The following DGKB variants were observed in gnomAD, a reference collection of about 807,000 sequenced individuals.
The protein encoded by DGKB is diacylglycerol kinase beta.
Under a neutral mutation model 114.3 loss-of-function variants are expected in DGKB, and 67 were observed. The ratio of observed to expected loss-of-function variants is 0.59; its 90% CI spans 0.48 to 0.72. DGKB has a LOEUF of 0.72. Among genes scored for constraint, DGKB ranks in the 30% least tolerant of loss-of-function variants. The probability of loss-of-function intolerance (pLI) is 0.00; values close to 1 mark genes in which losing one functional copy is unlikely to be tolerated. For missense variants in DGKB, 907 were observed against 975.2 expected (o/e 0.93, Z 0.93); for synonymous variants, 398 against 323.1 (o/e 1.23, Z -2.49).
intron 14 of DGKB, among the ~76,000 whole-genome samples, chr7:14,621,704 T>C (rs1320905241): frequency 6.6e-6 from 1 of 151,932 alleles, no homozygotes; most frequent in Non-Finnish European, 1.5e-5. Flanking sequence ...TTTAAAGAAA[T>C]AATGAGAAAG....
chr7:14,781,115 A>T (rs1162013970), intron 2 of DGKB, among the ~76,000 whole-genome samples: 1 of 152,186 alleles, frequency 6.6e-6, no homozygotes, highest in Non-Finnish European at 1.5e-5. Context: ...TTGTAAGTCT[A>T]TTTAACCATA....
At chr7:14,187,922 A>G (rs1783685027) in intron 23 of DGKB, among the ~76,000 whole-genome samples, 1 of 152,208 alleles carries the variant, frequency 6.6e-6, no homozygotes, top group Non-Finnish European at 1.5e-5. Context: ...GCAAGATATA[A>G]GAGAACACAG....
intron 23 of DGKB, among the ~76,000 whole-genome samples, chr7:14,313,728 C>G (rs1378991723): frequency 3.3e-5 from 5 of 152,154 alleles, no homozygotes; most frequent in African/African-American, 1.2e-4. Context: ...ATTGCCCAGG[C>G]TTGCTTAGGT....
chr7:14,697,776 G>GAAAGAAAGAAAGAAACAA (rs781493498), intron 8 of DGKB, among the ~76,000 whole-genome samples: 24 of 100,774 alleles, frequency 2.4e-4, no homozygotes, highest in African/African-American at 9.7e-4. Context: ...AAGAAACAAA[G>GAAAGAAAGAAAGAAACAA]AGAAAGAAAG....
In DGKB at chr7:14,698,080, C is replaced by T. The variant is rs1301446554; in HGVS notation, c.591+15G>A. The T allele has an allele frequency of 1.4e-6, 2 of 1,460,850 alleles. No individual in the cohort carries two copies. The highest frequency in any genetic ancestry group is 5.0e-5 in the East Asian group (2 of 40,168). 90.5% of individuals were successfully genotyped at this position (1,460,850 alleles called of 1,614,324 possible). On this transcript the variant is annotated intron_variant, in intron 8 of 25. Coordinates refer to ENST00000402815, the MANE Select transcript of DGKB (RefSeq NM_001350709.2). The stretch of plus-strand genomic sequence containing the variant: ...TCCAGAATTTAGCCAATAGTGAAAT[C>T]ATTCATATACCTACTGGATTAAGTT...
At position 14,151,237 on chromosome 7, in the gene DGKB, G is replaced by C. The variant is rs187702648; in HGVS notation, c.2305-1999C>G. Reference sequence around the variant, plus strand: ...ACTAAATGCTTTACACGGTATAATAGCATTAGGGCATTTTGGGAAATTAGA... The same window carrying C: ...ACTAAATGCTTTACACGGTATAATACCATTAGGGCATTTTGGGAAATTAGA... On this transcript the variant is annotated intron_variant, in intron 25 of 25. Transcript: ENST00000402815. Among the ~76,000 whole-genome samples the C allele has an allele frequency of 2.0e-3, 309 of 152,080 alleles. 1 individual carries two copies. The highest frequency in any genetic ancestry group is 7.2e-3 in the African/African-American group (300 of 41,530).
At chr7:14,777,729 C>T (rs1438403892) in intron 2 of DGKB, among the ~76,000 whole-genome samples, 1 of 152,120 alleles carries the variant, frequency 6.6e-6, no homozygotes, top group Non-Finnish European at 1.5e-5. Context: ...AGTAGTGTGA[C>T]AATGGACTAA....
chr7:14,170,867 G>T (rs550632616), intron 25 of DGKB, among the ~76,000 whole-genome samples: 1 of 152,138 alleles, frequency 6.6e-6, no homozygotes, highest in African/African-American at 2.4e-5. Context: ...TCCTAGTAGA[G>T]GACACAAACA....
intron 1 of DGKB, among the ~76,000 whole-genome samples, chr7:14,900,643 T>G (rs968973716): frequency 6.6e-6 from 1 of 152,160 alleles, no homozygotes; most frequent in African/African-American, 2.4e-5. Flanking sequence ...CAGCAAAACT[T>G]ACCAATGGTT....
intron 23 of DGKB, among the ~76,000 whole-genome samples, chr7:14,316,813 C>T (rs1263487276): frequency 6.6e-6 from 1 of 150,738 alleles, no homozygotes; most frequent in Non-Finnish European, 1.5e-5. Context: ...ATATCAAAGC[C>T]GGGCAGAGAC....
chr7:14,587,775 T>C (rs1421817388), intron 17 of DGKB, among the ~76,000 whole-genome samples: 2 of 152,180 alleles, frequency 1.3e-5, no homozygotes, highest in Non-Finnish European at 2.9e-5. Flanking sequence ...CACATGATTG[T>C]TACTAATTTT....
chr7:14,262,368 A>T (rs1264361176), intron 23 of DGKB, among the ~76,000 whole-genome samples: 1 of 152,054 alleles, frequency 6.6e-6, no homozygotes, highest in African/African-American at 2.4e-5. Flanking sequence ...AAAGAGATTA[A>T]TTTTTTTATA....
intron 23 of DGKB, among the ~76,000 whole-genome samples, chr7:14,288,928 C>G (rs1473133824): frequency 6.6e-6 from 1 of 152,204 alleles, no homozygotes. Flanking sequence ...ATAGCATCCA[C>G]ATGGACTGGG....
At chr7:14,611,157 T>G (rs536899724) in intron 16 of DGKB, among the ~76,000 whole-genome samples, 4 of 152,226 alleles carry the variant, frequency 2.6e-5, no homozygotes, top group African/African-American at 9.6e-5. Flanking sequence ...AAAGACTTCT[T>G]GGTCTTCAGA....
intron 12 of DGKB, among the ~76,000 whole-genome samples, chr7:14,677,778 C>T (rs755393280): frequency 3.3e-4 from 50 of 151,932 alleles, no homozygotes; most frequent in Non-Finnish European, 5.7e-4. Flanking sequence ...GAATATTTTG[C>T]CTGTCACAGA....
intron 23 of DGKB, among the ~76,000 whole-genome samples, chr7:14,308,409 T>C (rs1434061541): frequency 6.6e-6 from 1 of 152,162 alleles, no homozygotes; most frequent in African/African-American, 2.4e-5. Context: ...ACACCTCTAA[T>C]AGGATATTTC....
intron 1 of DGKB, among the ~76,000 whole-genome samples, chr7:14,886,277 C>A (rs564845626): frequency 1.1e-4 from 17 of 151,868 alleles, no homozygotes; most frequent in African/African-American, 3.9e-4. Context: ...TGACGGAGAT[C>A]TGAACATGGG....
At chr7:14,889,355 G>A (rs560801965) in intron 1 of DGKB, among the ~76,000 whole-genome samples, 1 of 151,792 alleles carries the variant, frequency 6.6e-6, no homozygotes, top group South Asian at 2.1e-4. Flanking sequence ...ATCTGAATGG[G>A]AGGTTGTGTC....
rs58040824 is a variant in DGKB at position 14,154,847 on chromosome 7, C to CTT, written c.2305-5611_2305-5610dup. On this transcript the variant is annotated intron_variant, in intron 25 of 25. Transcript: ENST00000402815. ...TTTTCTTGCAAGTCTATACATTCTG[C>CTT]TTTTTTTTTTTTTCGTTACACGTGC... Among the ~76,000 whole-genome samples the CTT allele has an allele frequency of 7.7e-4, 110 of 143,308 alleles. 1 individual carries two copies. Among genetic ancestry groups the CTT allele is most frequent in the East Asian group, 3.1e-3 (15 of 4,908 alleles). 94.0% of individuals were successfully genotyped at this position (143,308 alleles called of 152,430 possible).
Sources: gnomAD v4.1 joint callset for allele counts (sites outside exome capture counted in the v4.1 genomes callset) on GRCh38, gnomAD v4.1.1 for gene constraint, MANE v1.5 for transcripts, NCBI Gene and HGNC (gene_info 2026-07-23, HGNC 2026-07-21) for gene names.